Variants in SPOCK2 observed in about 807,000 individuals in gnomAD.
SPOCK2 encodes the protein testican-2.
SPOCK2 carries 39 observed loss-of-function variants against 60.1 expected under a neutral mutation model. The ratio of observed to expected loss-of-function variants is 0.65; its 90% CI spans 0.50 to 0.85. SPOCK2 has a LOEUF of 0.85. SPOCK2 is among the 40% of genes least tolerant of loss of function. The pLI is 0.00. For missense variants in SPOCK2, 523 were observed against 567.4 expected, an observed-to-expected ratio of 0.92 and a Z score of 0.80; for synonymous variants, 217 against 231.5, an observed-to-expected ratio of 0.94 and a Z score of 0.57.
chr10:72,084,477 G>A (rs567454411), intron 1 of SPOCK2, among the ~76,000 whole-genome samples: 2 of 152,282 alleles, frequency 1.3e-5, no homozygotes, highest in East Asian at 3.9e-4. Flanking sequence ...GCCTGGGTGG[G>A]GAGTAGGCTA....
At chr10:72,070,012 C>A (rs1840623247) in intron 5 of SPOCK2, 2 of 275,164 alleles carry the variant, frequency 7.3e-6, no homozygotes, top group Non-Finnish European at 1.4e-5. Context: ...TGGCTGAGGT[C>A]TTCCCTCAGT....
At chr10:72,071,036 C>T (rs549230611) in intron 4 of SPOCK2, among the ~76,000 whole-genome samples, 1 of 152,316 alleles carries the variant, frequency 6.6e-6, no homozygotes, top group East Asian at 1.9e-4. Context: ...CATTACCGGC[C>T]ATGCCCCTGC....
At chr10:72,084,539 G>C (rs1476947853) in intron 1 of SPOCK2, among the ~76,000 whole-genome samples, 2 of 152,146 alleles carry the variant, frequency 1.3e-5, no homozygotes, top group Admixed American at 1.3e-4. Flanking sequence ...CCTAGGAGGT[G>C]ACACTCCTAC....
chr10:72,063,189 C>T, intron 9 of SPOCK2, 27 bp from the exon 10 acceptor site: 1 of 1,553,826 alleles, frequency 6.4e-7, no homozygotes, highest in Middle Eastern at 1.8e-4. Context: ...CAGGCAGGGT[C>T]AGAGCAGGGG....
chr10:72,070,142 G>A (rs1451259141), intron 5 of SPOCK2, 170 bp downstream of exon 5: 2 of 601,984 alleles, frequency 3.3e-6, no homozygotes, highest in East Asian at 5.8e-5. Flanking sequence ...TTCCAGCCAG[G>A]GCTGCAGGTG....
chr10:72,072,557 CAG>C lies in SPOCK2; in HGVS notation c.199-11_199-10del. The C allele has an allele frequency of 6.2e-7, 1 of 1,613,868 alleles. No homozygotes were observed. The highest frequency in any genetic ancestry group is 8.5e-7 in the Non-Finnish European group (1 of 1,180,008). Reference sequence around the variant, plus strand: ...CTCTTGATATAGTCATCCTAGAGGACAGAGAGGGACAAGGGAGAAGGGAAAGG... The same window carrying C: ...CTCTTGATATAGTCATCCTAGAGGACAGAGGGACAAGGGAGAAGGGAAAGG... On this transcript the variant is annotated splice_polypyrimidine_tract_variant and intron_variant, in intron 2 of 10. Transcript: ENST00000373109.
chr10:72,086,617 C>T, intron 1 of SPOCK2: 4 of 1,202,582 alleles, frequency 3.3e-6, no homozygotes, highest in Non-Finnish European at 4.2e-6. Context: ...TGCGCTGGGC[C>T]TGCAGGTGCT....
Position 72,062,897 on chromosome 10 carries a change from C to G in SPOCK2, c.1138G>C (p.Val380Leu). The G allele has an allele frequency of 3.1e-6, 5 of 1,598,254 alleles. No homozygotes were observed. Among genetic ancestry groups the G allele is most frequent in the Non-Finnish European group, 2.6e-6 (3 of 1,174,624 alleles). The change falls in exon 11 of 11, where the codon GTG becomes CTG. Residue 380 changes from valine to leucine, a missense_variant. Transcript: ENST00000373109. The surrounding 1 kb of genome is among the most constrained non-coding windows in gnomAD (Gnocchi z 4.3). ...THGSPDCDDI[V>L]GFSGDFGSGV... ...CTTCCAAAGTCCCCCGAGAAGCCCACGATGTCATCTGTGAGGGGATCAAGC... is the reference window on the plus strand; with the variant it reads ...CTTCCAAAGTCCCCCGAGAAGCCCAGGATGTCATCTGTGAGGGGATCAAGC...
chr10:72,079,244 A>G (rs1200498182), intron 1 of SPOCK2, among the ~76,000 whole-genome samples: 3 of 152,170 alleles, frequency 2.0e-5, no homozygotes, highest in African/African-American at 7.2e-5. Context: ...ATGTTAGCTG[A>G]TGAAAAAAGT....
At position 72,070,485 on chromosome 10, in the gene SPOCK2, G is replaced by T. The variant is rs1467243002; in HGVS notation, c.360-59C>A. 5 of 1,542,902 alleles carry T rather than the reference G, an allele frequency of 3.2e-6. No homozygotes were observed. The African/African-American group carries it at 4.1e-5, about 13-fold the overall frequency. On this transcript the variant is annotated intron_variant, in intron 4 of 10. Transcript: ENST00000373109. Reference sequence around the variant, plus strand: ...AAGTGACAATGAGGAAGGAGCAGGGGAAGGGAGGGCTGAGCAGACCTGTTC... The same window carrying T: ...AAGTGACAATGAGGAAGGAGCAGGGTAAGGGAGGGCTGAGCAGACCTGTTC...
At chr10:72,071,250 C>T (rs1025610471) in intron 4 of SPOCK2, among the ~76,000 whole-genome samples, 4 of 151,480 alleles carry the variant, frequency 2.6e-5, no homozygotes, top group South Asian at 2.1e-4. Context: ...AGTGCAGTGG[C>T]GTGATCTCGG....
intron 1 of SPOCK2, chr10:72,086,802 A>C: frequency 6.6e-7 from 1 of 1,517,680 alleles, no homozygotes; most frequent in Non-Finnish European, 8.9e-7. Flanking sequence ...TTGGGGAGAA[A>C]CAGTCACTTG....
At chr10:72,079,990 A>C (rs1840761864) in intron 1 of SPOCK2, among the ~76,000 whole-genome samples, 1 of 152,080 alleles carries the variant, frequency 6.6e-6, no homozygotes, top group South Asian at 2.1e-4. Flanking sequence ...TCATGTCTGC[A>C]AGGGGACTTT....
At position 72,069,460 on chromosome 10, in the gene SPOCK2, C is replaced by T. The variant is rs1840615576; in HGVS notation, c.474+852G>A. 2.7e-5 allele frequency among the ~76,000 whole-genome samples: 4 copies of T among 150,434 alleles called. No homozygotes were observed. In the South Asian group the frequency reaches 8.5e-4, roughly 32 times the overall value. ...ACATTCATTATCAGCACCTGCATTT[C>T]TATGTTACTTTTTTTTTTTTTTTTT... On this transcript the variant is annotated intron_variant, in intron 5 of 10. Coordinates refer to ENST00000373109, the MANE Select transcript of SPOCK2 (RefSeq NM_001244950.2).
Position 72,068,199 on chromosome 10 carries a change from C to T in SPOCK2, c.577G>A (p.Asp193Asn), listed in dbSNP as rs529919477. ...PTEQAATSTA[D>N]GKPETCTGQD... The stretch of plus-strand genomic sequence containing the variant: ...GCACTGTCCTCACCTGGTTTGCCAT[C>T]GGCGGTGGAGGTGGCAGCCTGCTCC... The change falls in exon 6 of 11, where the codon GAT becomes AAT. Residue 193 changes from aspartate to asparagine, a missense_variant. By Grantham distance (23) the Asp-to-Asn change is conservative. Coordinates refer to ENST00000373109, the MANE Select transcript of SPOCK2 (RefSeq NM_001244950.2). 1.3e-5 allele frequency: 21 copies of T among 1,604,854 alleles called. No homozygotes were observed. The highest frequency in any genetic ancestry group is 1.5e-5 in the Non-Finnish European group (18 of 1,174,814).
intron 5 of SPOCK2, chr10:72,068,930 C>T (rs1564547046): frequency 1.3e-5 from 2 of 152,378 alleles, no homozygotes; most frequent in Admixed American, 6.5e-5. Context: ...TCACAGCGCT[C>T]GACAACATTA....
At chr10:72,071,538 T>TG (rs1320011660) in intron 4 of SPOCK2, among the ~76,000 whole-genome samples, 1 of 152,204 alleles carries the variant, frequency 6.6e-6, no homozygotes, top group African/African-American at 2.4e-5. Context: ...CTCTGCAAGC[T>TG]ACAACCTCTC....
Position 72,067,302 on chromosome 10 carries a change from G to C in SPOCK2, c.710-182C>G, listed in dbSNP as rs190521529. Reference sequence around the variant, plus strand: ...GGTCCTTCCTTCCACCTCCACATAGGACTATGCCTGAACCATTCAAAACCC... The same window carrying C: ...GGTCCTTCCTTCCACCTCCACATAGCACTATGCCTGAACCATTCAAAACCC... On this transcript the variant is annotated intron_variant, in intron 7 of 10. Coordinates refer to ENST00000373109, the MANE Select transcript of SPOCK2 (RefSeq NM_001244950.2). Among the ~76,000 whole-genome samples, 11 of 152,258 alleles carry C rather than the reference G, an allele frequency of 7.2e-5. No homozygotes were observed. In the East Asian group the frequency reaches 2.1e-3, roughly 29 times the overall value.
At chr10:72,068,772 C>G (rs1032806823) in intron 5 of SPOCK2, 1 of 160,598 alleles carries the variant, frequency 6.2e-6, no homozygotes, top group South Asian at 1.8e-4. Context: ...GACACAGCAC[C>G]GCCTATGGAG....
Sources: allele counts gnomAD v4.1 joint callset (sites outside exome capture counted in the v4.1 genomes callset), GRCh38; gene constraint gnomAD v4.1.1; non-coding constraint Gnocchi (gnomAD v3.1); transcripts MANE v1.5; gene names NCBI Gene and HGNC (gene_info 2026-07-23, HGNC 2026-07-21).